DENND5B: variants seen among roughly 807,000 people sequenced by gnomAD.
The protein encoded by DENND5B is DENN domain-containing protein 5B.
Under a neutral mutation model 140.6 loss-of-function variants are expected in DENND5B, and 34 were observed. The observed-to-expected ratio is 0.24, with a 90% confidence interval of 0.18 to 0.32. The LOEUF (loss-of-function observed/expected upper bound fraction) is 0.32, where lower values mean the gene tolerates loss of function less well. Ranked by LOEUF, DENND5B falls within the 10% of genes least tolerant of loss-of-function variation. DENND5B has a pLI of 1.00. For missense variants in DENND5B, 1,142 were observed against 1,560.2 expected, an observed-to-expected ratio of 0.73 and a Z score of 4.52; for synonymous variants, 551 against 562.1, an observed-to-expected ratio of 0.98 and a Z score of 0.28.
intron 7 of DENND5B, among the ~76,000 whole-genome samples, chr12:31,440,390 C>G (rs78849514): frequency 5.6e-4 from 86 of 152,242 alleles, no homozygotes; most frequent in African/African-American, 1.9e-3. Flanking sequence ...AGCAGGGCCA[C>G]CCCTTCACTG....
At chr12:31,543,081 C>T (rs1948742326) in intron 1 of DENND5B, among the ~76,000 whole-genome samples, 1 of 152,120 alleles carries the variant, frequency 6.6e-6, no homozygotes, top group Non-Finnish European at 1.5e-5. Flanking sequence ...TGCCTGTAGT[C>T]CCAACTACCT....
chr12:31,465,923 G>C (rs1480706607), intron 3 of DENND5B: 1 of 152,502 alleles, frequency 6.6e-6, no homozygotes, highest in African/African-American at 2.4e-5. Flanking sequence ...ACCTAAACAT[G>C]TTTGTCTGTA....
At chr12:31,565,986 A>T (rs1038204464) in intron 1 of DENND5B, among the ~76,000 whole-genome samples, 4 of 151,918 alleles carry the variant, frequency 2.6e-5, no homozygotes, top group Middle Eastern at 6.8e-3. Flanking sequence ...TAGAAAAAAA[A>T]ATATAAAAAT....
intron 12 of DENND5B, among the ~76,000 whole-genome samples, chr12:31,414,559 T>G (rs1488141951): frequency 6.6e-6 from 1 of 152,002 alleles, no homozygotes; most frequent in Non-Finnish European, 1.5e-5. Context: ...ATGGCTCACG[T>G]CTGTAATCCC....
chr12:31,504,401 ATCTGGCCT>A (rs1439420526), intron 1 of DENND5B, among the ~76,000 whole-genome samples: 2 of 152,216 alleles, frequency 1.3e-5, no homozygotes, highest in Non-Finnish European at 2.9e-5. Flanking sequence ...GGAATATGAG[ATCTGGCCT>A]TCTGGTTGCT....
chr12:31,519,312 T>G (rs141056705), intron 1 of DENND5B, among the ~76,000 whole-genome samples: 4 of 152,200 alleles, frequency 2.6e-5, no homozygotes, highest in Non-Finnish European at 5.9e-5. Context: ...GCATGACTTG[T>G]GAGTTAGCAT....
At chr12:31,488,253 G>A (rs1046626778) in intron 2 of DENND5B, among the ~76,000 whole-genome samples, 3 of 151,928 alleles carry the variant, frequency 2.0e-5, no homozygotes, top group Middle Eastern at 3.4e-3. Context: ...TGGGATTACA[G>A]TGTGAGCCAC....
rs1210569998 is a variant in DENND5B at position 31,575,981 on chromosome 12, A to G, written c.127+14725T>C. Reference sequence around the variant, plus strand: ...ACTGTCTCAAAAAACAGAAAGAAAGAAAGAAAAAAGTTAACCAGGCATGGT... The same window carrying G: ...ACTGTCTCAAAAAACAGAAAGAAAGGAAGAAAAAAGTTAACCAGGCATGGT... On this transcript the variant is annotated intron_variant, in intron 1 of 20. Coordinates refer to ENST00000389082, the MANE Select transcript of DENND5B (RefSeq NM_144973.4). Among the ~76,000 whole-genome samples, 4 of 150,868 alleles carry G rather than the reference A, an allele frequency of 2.7e-5. No homozygotes were observed. In the East Asian group the frequency reaches 7.8e-4, roughly 30 times the overall value.
chr12:31,522,576 T>C (rs966864469), intron 1 of DENND5B, among the ~76,000 whole-genome samples: 4 of 147,178 alleles, frequency 2.7e-5, no homozygotes, highest in African/African-American at 1.1e-4. Context: ...TCCCAAGTAG[T>C]TGGGACTACA....
At chr12:31,569,418 G>A (rs11051467) in intron 1 of DENND5B, among the ~76,000 whole-genome samples, 61,507 of 151,944 alleles carry the variant, frequency 0.4, 12,958 homozygotes, top group East Asian at 0.57. Context: ...ACAAAAAGTA[G>A]GAGCAGTGAG....
At chr12:31,520,957 T>C (rs540081548) in intron 1 of DENND5B, among the ~76,000 whole-genome samples, 18 of 152,218 alleles carry the variant, frequency 1.2e-4, no homozygotes, top group Non-Finnish European at 2.5e-4. Context: ...AAAATGTTAG[T>C]GAGATATTAA....
chr12:31,540,656 C>T (rs1948654451), intron 1 of DENND5B, among the ~76,000 whole-genome samples: 1 of 150,936 alleles, frequency 6.6e-6, no homozygotes, highest in African/African-American at 2.4e-5. Flanking sequence ...TCTGTCCCGC[C>T]CCCCAACCCC....
At chr12:31,468,276 T>G (rs1049366250) in intron 3 of DENND5B, among the ~76,000 whole-genome samples, 1 of 152,080 alleles carries the variant, frequency 6.6e-6, no homozygotes, top group Non-Finnish European at 1.5e-5. Context: ...TATTTATTTA[T>G]TTTTAGAATT....
intron 2 of DENND5B, among the ~76,000 whole-genome samples, chr12:31,495,262 A>G (rs1257435496): frequency 6.6e-6 from 1 of 152,218 alleles, no homozygotes; most frequent in African/African-American, 2.4e-5. Context: ...GTAGGAAACT[A>G]AAATGGGCTT....
intron 1 of DENND5B, among the ~76,000 whole-genome samples, chr12:31,507,967 C>T (rs1272977308): frequency 6.6e-6 from 1 of 152,046 alleles, no homozygotes; most frequent in Admixed American, 6.6e-5. Flanking sequence ...AATTATTTAT[C>T]CAATGTATTT....
chr12:31,534,170 G>A (rs907585817), intron 1 of DENND5B, among the ~76,000 whole-genome samples: 6 of 150,698 alleles, frequency 4.0e-5, no homozygotes, highest in African/African-American at 1.2e-4. Flanking sequence ...TTTTTTTGTC[G>A]GTTTTTTGAG....
At chr12:31,560,293 T>C (rs1341232725) in intron 1 of DENND5B, among the ~76,000 whole-genome samples, 3 of 152,230 alleles carry the variant, frequency 2.0e-5, no homozygotes, top group African/African-American at 7.2e-5. Context: ...TGATGGTAAT[T>C]CCATTTTTCT....
At position 31,389,147 on chromosome 12, in the gene DENND5B, A is replaced by T. The variant is rs11615330; in HGVS notation, c.3641+177T>A. Among the ~76,000 whole-genome samples, 199 of 152,232 alleles carry T rather than the reference A, an allele frequency of 1.3e-3. 1 individual carries two copies. Among genetic ancestry groups the T allele is most frequent in the African/African-American group, 4.7e-3 (195 of 41,540 alleles). ...AGGAGGCAGAGGTTGCAGTGAGCCA[A>T]GATTATGCCACGGTACTCCAGCCTA... On this transcript the variant is annotated intron_variant, in intron 20 of 20. Transcript: ENST00000389082.
intron 1 of DENND5B, chr12:31,499,635 T>C: frequency 6.6e-7 from 1 of 1,506,492 alleles, no homozygotes; most frequent in South Asian, 1.3e-5. Flanking sequence ...ACCTTGGCTC[T>C]TGCCATGACG....
Sources: allele counts gnomAD v4.1 joint callset (sites outside exome capture counted in the v4.1 genomes callset), GRCh38; gene constraint gnomAD v4.1.1; transcripts MANE v1.5; gene names NCBI Gene and HGNC (gene_info 2026-07-23, HGNC 2026-07-21).